Variants in XPR1 observed in about 807,000 individuals in gnomAD.
XPR1 encodes xenotropic and polytropic retrovirus receptor 1, also known as solute carrier family 53 member 1.
Under a neutral mutation model 87.5 loss-of-function variants are expected in XPR1, and 28 were observed. The ratio of observed to expected loss-of-function variants is 0.32; its 90% confidence interval spans 0.24 to 0.44. The LOEUF is 0.44. XPR1 is among the 20% of genes least tolerant of loss of function. The pLI is 1.00. For missense variants in XPR1, 559 were observed against 862.3 expected, an observed-to-expected ratio of 0.65 and a Z score of 4.41; for synonymous variants, 300 against 306.1, an observed-to-expected ratio of 0.98 and a Z score of 0.21.
rs1651219844 is a variant in XPR1, at chr1:180,834,861, T to C, written c.1135-13T>C. On this transcript the variant is annotated splice_polypyrimidine_tract_variant and intron_variant, in intron 9 of 14. Transcript: ENST00000367590. ...TCTTGTTTCTGTGTTTTCTGATTTT[T>C]TTTTTCTTTCAGTTTCGAGTATTTA... 1 of 1,590,346 alleles carries C rather than the reference T, an allele frequency of 6.3e-7. No homozygotes were observed. The highest frequency in any genetic ancestry group is 1.4e-5 in the African/African-American group (1 of 73,308).
At chr1:180,723,956 CT>C (rs1484123477) in intron 2 of XPR1, among the ~76,000 whole-genome samples, 1 of 151,930 alleles carries the variant, frequency 6.6e-6, no homozygotes, top group Non-Finnish European at 1.5e-5. Context: ...ATATTTTTAC[CT>C]TTCTTTTTGC....
At chr1:180,763,530 T>G (rs1020715288) in intron 2 of XPR1, among the ~76,000 whole-genome samples, 1 of 152,198 alleles carries the variant, frequency 6.6e-6, no homozygotes, top group Non-Finnish European at 1.5e-5. Flanking sequence ...CTCCAGTTGT[T>G]CATTTGTTGA....
intron 2 of XPR1, among the ~76,000 whole-genome samples, chr1:180,748,089 A>G (rs1647336249): frequency 6.6e-6 from 1 of 152,166 alleles, no homozygotes. Context: ...AGTCATCCAT[A>G]CCCCAGCTTG....
chr1:180,722,992 T>A (rs1658224142), intron 2 of XPR1, among the ~76,000 whole-genome samples: 1 of 152,232 alleles, frequency 6.6e-6, no homozygotes, highest in Non-Finnish European at 1.5e-5. Context: ...AGGTGTCCAC[T>A]ATATATTAGG....
At chr1:180,798,689 C>G (rs1649676130) in intron 3 of XPR1, among the ~76,000 whole-genome samples, 1 of 152,180 alleles carries the variant, frequency 6.6e-6, no homozygotes, top group Non-Finnish European at 1.5e-5. Context: ...TCTCGGCTCA[C>G]TGCAACCTCC....
chr1:180,789,620 A>G (rs932290545), intron 3 of XPR1, among the ~76,000 whole-genome samples: 5 of 150,444 alleles, frequency 3.3e-5, no homozygotes, highest in Admixed American at 1.3e-4. Flanking sequence ...GGGTCTTGCT[A>G]TGTTGCCCAG....
At chr1:180,802,942 A>G (rs1649847938) in intron 3 of XPR1, among the ~76,000 whole-genome samples, 1 of 152,200 alleles carries the variant, frequency 6.6e-6, no homozygotes, top group Non-Finnish European at 1.5e-5. Context: ...TCCTCAATTG[A>G]TGGACATTTG....
At chr1:180,660,356 G>C (rs1655724135) in intron 1 of XPR1, among the ~76,000 whole-genome samples, 1 of 151,728 alleles carries the variant, frequency 6.6e-6, no homozygotes, top group Non-Finnish European at 1.5e-5. Context: ...ATTTATTTCT[G>C]TTCTGATCTT....
At chr1:180,809,384 C>A (rs763084246) in intron 6 of XPR1, among the ~76,000 whole-genome samples, 33 of 152,118 alleles carry the variant, frequency 2.2e-4, no homozygotes, top group Non-Finnish European at 4.1e-4. Context: ...CAAAACTTAT[C>A]AAATCGTACA....
intron 11 of XPR1, among the ~76,000 whole-genome samples, chr1:180,854,163 A>G (rs1249713874): frequency 2.6e-5 from 4 of 152,186 alleles, no homozygotes; most frequent in African/African-American, 9.7e-5. Context: ...TTCACATTCA[A>G]CTTATTAACA....
intron 14 of XPR1, 54 bp downstream of exon 14, chr1:180,880,351 G>C: frequency 1.9e-6 from 3 of 1,598,284 alleles, no homozygotes; most frequent in Non-Finnish European, 2.6e-6. Context: ...TTTAGCATTG[G>C]GTAGCATGTA....
At chr1:180,668,123 CTTTTTTTTTTTTT>C (rs758456790) in intron 1 of XPR1, among the ~76,000 whole-genome samples, 1 of 94,700 alleles carries the variant, frequency 1.1e-5, no homozygotes, top group Non-Finnish European at 2.0e-5. Context: ...TTCCCTCTAT[CTTTTTTTTTTTTT>C]TTTTTTTTTT....
intron 3 of XPR1, among the ~76,000 whole-genome samples, 182 bp from the exon 4 acceptor site, chr1:180,803,205 TG>T (rs1262930087): frequency 6.6e-6 from 1 of 152,188 alleles, no homozygotes; most frequent in African/African-American, 2.4e-5. Flanking sequence ...TGAGGTTTTA[TG>T]GGGGGTAAAA....
chr1:180,673,046 A>G (rs7528955), intron 1 of XPR1, among the ~76,000 whole-genome samples: 2,556 of 152,278 alleles, frequency 0.017, 79 homozygotes, highest in African/African-American at 0.056. Flanking sequence ...ATAACAGTAG[A>G]CATTTTGTTG....
At chr1:180,707,374 C>T (rs1057032694) in intron 2 of XPR1, among the ~76,000 whole-genome samples, 7 of 152,160 alleles carry the variant, frequency 4.6e-5, no homozygotes, top group Non-Finnish European at 1.0e-4. Context: ...GTGTGTTGCT[C>T]CCCTCTATGT....
At chr1:180,794,684 A>G (rs1649505945) in intron 3 of XPR1, among the ~76,000 whole-genome samples, 1 of 152,226 alleles carries the variant, frequency 6.6e-6, no homozygotes, top group Non-Finnish European at 1.5e-5. Flanking sequence ...GCATTAGCCA[A>G]ATGCTCTTAA....
At chr1:180,849,416 A>G (rs1651794985) in intron 11 of XPR1, among the ~76,000 whole-genome samples, 1 of 152,122 alleles carries the variant, frequency 6.6e-6, no homozygotes, top group Non-Finnish European at 1.5e-5. Flanking sequence ...TGTGTATCTG[A>G]ATTACTTTGG....
At chr1:180,854,068 G>A (rs969946541) in intron 11 of XPR1, among the ~76,000 whole-genome samples, 3 of 152,156 alleles carry the variant, frequency 2.0e-5, no homozygotes, top group Admixed American at 1.3e-4. Context: ...GTATCTAAAA[G>A]GCAAGGAAAG....
At chr1:180,664,930 C>T (rs1357569846) in intron 1 of XPR1, among the ~76,000 whole-genome samples, 1 of 152,200 alleles carries the variant, frequency 6.6e-6, no homozygotes, top group Non-Finnish European at 1.5e-5. Flanking sequence ...AGTTCGTGCT[C>T]CTGTGAGAAT....
Sources: gnomAD v4.1 joint callset for allele counts (sites outside exome capture counted in the v4.1 genomes callset) on GRCh38, gnomAD v4.1.1 for gene constraint, MANE v1.5 for transcripts, NCBI Gene and HGNC (gene_info 2026-07-23, HGNC 2026-07-21) for gene names.